The following NPAT variants were observed in gnomAD, a reference collection of about 807,000 sequenced individuals.
NPAT encodes protein NPAT.
NPAT carries 52 observed loss-of-function variants against 130.7 expected under a neutral mutation model. The ratio of observed to expected loss-of-function variants is 0.40; its 90% confidence interval spans 0.32 to 0.50. NPAT has a LOEUF of 0.50. Ranked by LOEUF, NPAT falls within the 20% of genes least tolerant of loss-of-function variation. NPAT has a pLI of 0.68. For synonymous variants in NPAT, 580 were observed against 584.8 expected, an observed-to-expected ratio of 0.99 and a Z score of 0.12; for missense variants, 1,687 against 1,662.6, an observed-to-expected ratio of 1.01 and a Z score of -0.26.
intron 15 of NPAT, among the ~76,000 whole-genome samples, chr11:108,167,923 C>T (rs193160162): frequency 1.6e-3 from 242 of 152,126 alleles, no homozygotes; most frequent in African/African-American, 5.3e-3. Flanking sequence ...AAGCAATTCA[C>T]AGAAGGGAAA....
intron 10 of NPAT, among the ~76,000 whole-genome samples, chr11:108,180,084 T>G (rs113713604): frequency 1.3e-4 from 20 of 152,320 alleles, no homozygotes; most frequent in African/African-American, 4.8e-4. Flanking sequence ...CCTAGCACTT[T>G]GAGAGGCTGA....
At chr11:108,200,815 C>T (rs899359702) in intron 1 of NPAT, among the ~76,000 whole-genome samples, 11 of 152,306 alleles carry the variant, frequency 7.2e-5, no homozygotes, top group South Asian at 2.1e-4. Flanking sequence ...TTCCCAATCC[C>T]TATACCCTAC....
chr11:108,190,165 T>G (rs2078152902), intron 5 of NPAT, among the ~76,000 whole-genome samples: 1 of 151,116 alleles, frequency 6.6e-6, no homozygotes, highest in African/African-American at 2.4e-5. Context: ...CAAAAAAAAT[T>G]AGCTGGGTGT....
chr11:108,195,491 A>G (rs892696509), intron 2 of NPAT, among the ~76,000 whole-genome samples: 1 of 152,120 alleles, frequency 6.6e-6, no homozygotes, highest in Non-Finnish European at 1.5e-5. Context: ...CCATCTGTAT[A>G]TTTTCTTTGG....
intron 1 of NPAT, among the ~76,000 whole-genome samples, chr11:108,210,523 T>C (rs975291012): frequency 2.0e-5 from 3 of 152,138 alleles, no homozygotes; most frequent in Admixed American, 6.6e-5. Context: ...GGCAAGCAGA[T>C]GCCAGCACCA....
rs1468172892 is a variant in NPAT, at chr11:108,161,504, A to C, written c.3582T>G (p.Gly1194=). Reference sequence around the variant, plus strand: ...AAGCTATAGATTTCTCACTTCGCAAACCCCCATTTTGCTGCCCAATAGATA... The same window carrying C: ...AAGCTATAGATTTCTCACTTCGCAACCCCCCATTTTGCTGCCCAATAGATA... ...SKLSIGQQNG[G]LRSEKSIASL... Residue 1194 remains glycine, a synonymous_variant, in exon 17 of 18, where the codon GGT becomes GGG. Coordinates refer to ENST00000278612, the MANE Select transcript of NPAT (RefSeq NM_002519.3). 8 of 1,613,762 alleles carry C rather than the reference A, an allele frequency of 5.0e-6. No homozygotes were observed. Among genetic ancestry groups the C allele is most frequent in the Non-Finnish European group, 6.8e-6 (8 of 1,179,964 alleles).
chr11:108,189,401 G>A, intron 5 of NPAT, 71 bp from the exon 6 acceptor site: 1 of 1,252,548 alleles, frequency 8.0e-7, no homozygotes, highest in Non-Finnish European at 1.2e-6. Flanking sequence ...AAGTCAATAT[G>A]ATGCAACCTA....
At chr11:108,215,984 T>C (rs2078432579) in intron 1 of NPAT, among the ~76,000 whole-genome samples, 1 of 152,224 alleles carries the variant, frequency 6.6e-6, no homozygotes, top group African/African-American at 2.4e-5. Flanking sequence ...TTGTGAAAAC[T>C]AGCTGGCTGA....
chr11:108,197,530 T>C (rs900937450), intron 1 of NPAT, 110 bp from the exon 2 acceptor site: 1 of 781,776 alleles, frequency 1.3e-6, no homozygotes, highest in Non-Finnish European at 2.3e-6. Context: ...AAACCTTAGG[T>C]GGAATGCTCT....
At chr11:108,163,659 T>C (rs2077874369) in intron 15 of NPAT, among the ~76,000 whole-genome samples, 1 of 152,136 alleles carries the variant, frequency 6.6e-6, no homozygotes, top group South Asian at 2.1e-4. Context: ...AATATGTAGT[T>C]TGAAGGCCTT....
intron 1 of NPAT, among the ~76,000 whole-genome samples, chr11:108,202,752 G>C (rs542488350): frequency 2.5e-4 from 38 of 152,236 alleles, no homozygotes; most frequent in Non-Finnish European, 4.1e-4. Context: ...GGGAAGACTG[G>C]CAGATAGATT....
chr11:108,197,507 G>C, intron 1 of NPAT, 87 bp from the exon 2 acceptor site: 1 of 877,262 alleles, frequency 1.1e-6, no homozygotes, highest in Non-Finnish European at 1.9e-6. Flanking sequence ...AGCATGTACT[G>C]ATGTCACAAT....
chr11:108,192,582 A>G (rs560905282), intron 3 of NPAT, among the ~76,000 whole-genome samples: 9 of 152,358 alleles, frequency 5.9e-5, no homozygotes, highest in South Asian at 4.1e-4. Flanking sequence ...CAAATTCCTT[A>G]TAAGTGTGGA....
intron 17 of NPAT, 84 bp downstream of exon 17, chr11:108,160,793 AGTT>A: frequency 8.4e-7 from 1 of 1,194,902 alleles, no homozygotes; most frequent in Non-Finnish European, 1.2e-6. Flanking sequence ...CGTTCAGTCA[AGTT>A]GTTGTGGCAA....
At chr11:108,212,299 C>A (rs1009918621) in intron 1 of NPAT, among the ~76,000 whole-genome samples, 2 of 152,000 alleles carry the variant, frequency 1.3e-5, no homozygotes, top group African/African-American at 4.8e-5. Context: ...CCGAGCTGGG[C>A]GGATCATTTG....
chr11:108,165,527 TG>T (rs2077894382), intron 15 of NPAT, among the ~76,000 whole-genome samples: 1 of 149,746 alleles, frequency 6.7e-6, no homozygotes, highest in Admixed American at 6.7e-5. Flanking sequence ...TGTAGTGGCA[TG>T]AGGACAGCCC....
chr11:108,168,283 C>T (rs1001611865), intron 15 of NPAT, among the ~76,000 whole-genome samples: 5 of 151,956 alleles, frequency 3.3e-5, no homozygotes, highest in African/African-American at 1.2e-4. Flanking sequence ...CATGTCACAT[C>T]GAAAACATCT....
At chr11:108,190,773 C>T (rs1389623370) in intron 4 of NPAT, among the ~76,000 whole-genome samples, 1 of 152,168 alleles carries the variant, frequency 6.6e-6, no homozygotes, top group Non-Finnish European at 1.5e-5. Context: ...CTTGACATTA[C>T]GTTAAGAATG....
At chr11:108,203,976 T>G (rs1303830723) in intron 1 of NPAT, among the ~76,000 whole-genome samples, 1 of 152,214 alleles carries the variant, frequency 6.6e-6, no homozygotes, top group Non-Finnish European at 1.5e-5. Context: ...CTCCATATGG[T>G]CATGCAAATG....
Sources: gnomAD v4.1 joint callset for allele counts (sites outside exome capture counted in the v4.1 genomes callset) on GRCh38, gnomAD v4.1.1 for gene constraint, MANE v1.5 for transcripts, NCBI Gene and HGNC (gene_info 2026-07-23, HGNC 2026-07-21) for gene names.